The following DNAH14 variants were observed in gnomAD, a reference collection of about 807,000 sequenced individuals.
The protein encoded by DNAH14 is dynein axonemal heavy chain 14.
In DNAH14, 478 loss-of-function variants were observed where a neutral mutation model predicts 520.9. The observed-to-expected ratio is 0.92, with a 90% confidence interval of 0.85 to 0.99. The LOEUF is 0.99. Ranked by LOEUF, DNAH14 falls within the 50% of genes least tolerant of loss-of-function variation. The pLI is 0.00. For missense variants in DNAH14, 4,831 were observed against 5,234.5 expected (o/e 0.92, Z 2.38); for synonymous variants, 1,581 against 1,757.2 (o/e 0.90, Z 2.51).
chr1:225,230,407 A>G (rs1246856346), intron 41 of DNAH14, among the ~76,000 whole-genome samples: 1 of 152,186 alleles, frequency 6.6e-6, no homozygotes, highest in African/African-American at 2.4e-5. Context: ...AAAGAAATGC[A>G]TCAACATATT....
At chr1:225,037,101 C>T (rs2067037153) in intron 11 of DNAH14, among the ~76,000 whole-genome samples, 1 of 152,080 alleles carries the variant, frequency 6.6e-6, no homozygotes. Flanking sequence ...TATTTTCAGT[C>T]TGTGTTTGTC....
chr1:224,990,660 G>A (rs2062974010), intron 8 of DNAH14, among the ~76,000 whole-genome samples: 1 of 152,092 alleles, frequency 6.6e-6, no homozygotes, highest in Admixed American at 6.5e-5. Flanking sequence ...GTATTCCATT[G>A]CATATAGATA....
chr1:225,224,084 G>T (rs1295345372), intron 41 of DNAH14, among the ~76,000 whole-genome samples: 1 of 151,726 alleles, frequency 6.6e-6, no homozygotes, highest in Non-Finnish European at 1.5e-5. Flanking sequence ...TTAAATACTA[G>T]CAACTTACAC....
chr1:225,301,552 T>C (rs1007359519), intron 56 of DNAH14, among the ~76,000 whole-genome samples: 2 of 152,118 alleles, frequency 1.3e-5, no homozygotes, highest in African/African-American at 4.8e-5. Flanking sequence ...ATGAGAGATA[T>C]AGATTAGTCA....
chr1:225,276,829 G>A (rs545585106), intron 53 of DNAH14, among the ~76,000 whole-genome samples: 59 of 151,152 alleles, frequency 3.9e-4, no homozygotes, highest in Non-Finnish European at 7.4e-4. Context: ...GCTGAGGCAA[G>A]AGGATTGCTT....
At chr1:225,357,617 T>A (rs1346382456) in intron 73 of DNAH14, among the ~76,000 whole-genome samples, 1 of 152,216 alleles carries the variant, frequency 6.6e-6, no homozygotes, top group East Asian at 1.9e-4. Context: ...TAAAAGAAAA[T>A]TTTAAGAATA....
intron 52 of DNAH14, among the ~76,000 whole-genome samples, chr1:225,275,322 G>T (rs1185605998): frequency 6.6e-6 from 1 of 152,170 alleles, no homozygotes; most frequent in East Asian, 1.9e-4. Flanking sequence ...ATGCATTTCT[G>T]TCAGTGCTAT....
chr1:225,024,776 AC>A (rs2065965812), intron 11 of DNAH14, among the ~76,000 whole-genome samples: 1 of 152,106 alleles, frequency 6.6e-6, no homozygotes. Context: ...TTCCTTTAAA[AC>A]ATTGCGTGTG....
chr1:225,021,698 G>A (rs571031793), intron 10 of DNAH14, among the ~76,000 whole-genome samples: 28 of 152,226 alleles, frequency 1.8e-4, no homozygotes, highest in African/African-American at 6.7e-4. Context: ...TTGTTAAAAT[G>A]GCCATACTGC....
At chr1:225,056,973 C>G (rs1022155607) in intron 17 of DNAH14, among the ~76,000 whole-genome samples, 3 of 152,066 alleles carry the variant, frequency 2.0e-5, no homozygotes, top group African/African-American at 7.2e-5. Flanking sequence ...GTGATGTGTC[C>G]AGCTTTGTTC....
intron 34 of DNAH14, among the ~76,000 whole-genome samples, chr1:225,158,068 A>T (rs1015098243): frequency 1.3e-5 from 2 of 152,220 alleles, no homozygotes; most frequent in African/African-American, 4.8e-5. Context: ...CAAAGAAATG[A>T]TAAATGTTTG....
At chr1:225,202,214 G>A (rs1232234593) in intron 38 of DNAH14, among the ~76,000 whole-genome samples, 7 of 152,164 alleles carry the variant, frequency 4.6e-5, no homozygotes, top group Non-Finnish European at 8.8e-5. Flanking sequence ...AGCTGTGGTA[G>A]TATGGGGAGG....
chr1:225,020,505 A>AAAC (rs1179135917), intron 10 of DNAH14, among the ~76,000 whole-genome samples: 1 of 148,362 alleles, frequency 6.7e-6, no homozygotes, highest in East Asian at 2.0e-4. Flanking sequence ...TCAAAAAAAA[A>AAAC]AAAAAAAAAA....
chr1:224,953,289 A>AT (rs1048666411), intron 2 of DNAH14, among the ~76,000 whole-genome samples: 4 of 151,490 alleles, frequency 2.6e-5, no homozygotes, highest in Non-Finnish European at 4.4e-5. Flanking sequence ...CACCTGGCTA[A>AT]TTTTTTTTGT....
intron 19 of DNAH14, among the ~76,000 whole-genome samples, chr1:225,081,258 TC>T (rs2073083506): frequency 6.6e-6 from 1 of 152,160 alleles, no homozygotes. Context: ...CAAGAGAATA[TC>T]TTTGCTTTTT....
chr1:225,244,552 G>T (rs2092161526), intron 43 of DNAH14, among the ~76,000 whole-genome samples: 1 of 152,082 alleles, frequency 6.6e-6, no homozygotes, highest in African/African-American at 2.4e-5. Flanking sequence ...TCTATTCAGG[G>T]ATTCATCTTC....
chr1:225,231,261 A>G (rs886254007), intron 42 of DNAH14, 110 bp downstream of exon 42: 1 of 696,636 alleles, frequency 1.4e-6, no homozygotes, highest in Non-Finnish European at 2.3e-6. Context: ...TTTTCATAGT[A>G]TCAGAATCCA....
At chr1:225,023,404 T>C (rs1330856367) in intron 10 of DNAH14, among the ~76,000 whole-genome samples, 2 of 151,906 alleles carry the variant, frequency 1.3e-5, no homozygotes, top group African/African-American at 4.8e-5. Flanking sequence ...CTGGCTTCTT[T>C]AGTATTACTT....
At chr1:224,987,382 C>T (rs74149428) in intron 8 of DNAH14, among the ~76,000 whole-genome samples, 1 of 152,070 alleles carries the variant, frequency 6.6e-6, no homozygotes, top group Non-Finnish European at 1.5e-5. Context: ...ATTCAGGCCA[C>T]AATGGATTGG....
Sources: allele counts gnomAD v4.1 joint callset (sites outside exome capture counted in the v4.1 genomes callset), GRCh38; gene constraint gnomAD v4.1.1; transcripts MANE v1.5; gene names NCBI Gene and HGNC (gene_info 2026-07-23, HGNC 2026-07-21).